The following ALK variants were observed in gnomAD, a reference collection of about 807,000 sequenced individuals.
ALK encodes ALK receptor tyrosine kinase, also known as ALK tyrosine kinase receptor.
In ALK, 74 loss-of-function variants were observed where a neutral mutation model predicts 163.1. That is an observed-to-expected ratio of 0.45 (90% confidence interval 0.38 to 0.55). The LOEUF (loss-of-function observed/expected upper bound fraction) is 0.55, where lower values mean the gene tolerates loss of function less well. Ranked by LOEUF, ALK falls within the 20% of genes least tolerant of loss-of-function variation. The pLI, the probability that ALK is intolerant of heterozygous loss-of-function variation, is 0.00. For synonymous variants in ALK, 960 were observed against 843.2 expected, an observed-to-expected ratio of 1.14 and a Z score of -2.40; for missense variants, 2,063 against 2,105.3, an observed-to-expected ratio of 0.98 and a Z score of 0.39.
chr2:29,350,301 A>G (rs532850516), intron 5 of ALK, among the ~76,000 whole-genome samples: 1 of 152,288 alleles, frequency 6.6e-6, no homozygotes, highest in South Asian at 2.1e-4. Flanking sequence ...ATTGTAAGTG[A>G]CTGTATTATT....
chr2:29,838,151 T>C (rs1040244365), intron 1 of ALK, among the ~76,000 whole-genome samples: 1 of 151,876 alleles, frequency 6.6e-6, no homozygotes, highest in East Asian at 1.9e-4. Flanking sequence ...AGAGCAGTCA[T>C]AGGAACTATC....
At chr2:29,429,148 T>C (rs1272937438) in intron 4 of ALK, among the ~76,000 whole-genome samples, 1 of 152,050 alleles carries the variant, frequency 6.6e-6, no homozygotes, top group East Asian at 1.9e-4. Context: ...GCTAACTTTA[T>C]ACTTTAATTA....
chr2:29,498,059 A>T (rs1441975323), intron 4 of ALK, among the ~76,000 whole-genome samples: 1 of 152,120 alleles, frequency 6.6e-6, no homozygotes, highest in African/African-American at 2.4e-5. Context: ...CCCCACTCTC[A>T]TTTGGCCAAA....
chr2:29,284,887 A>G (rs1391663284), intron 9 of ALK, among the ~76,000 whole-genome samples: 1 of 152,204 alleles, frequency 6.6e-6, no homozygotes, highest in Non-Finnish European at 1.5e-5. Context: ...GAACGGCTGA[A>G]GCTGCTCACG....
chr2:29,634,704 G>A (rs1277894975), intron 3 of ALK, among the ~76,000 whole-genome samples: 2 of 152,108 alleles, frequency 1.3e-5, no homozygotes, highest in African/African-American at 2.4e-5. Flanking sequence ...TTCCTTCTGA[G>A]ATTTAAAGCA....
At chr2:29,664,196 T>G (rs73921146) in intron 3 of ALK, among the ~76,000 whole-genome samples, 1 of 152,172 alleles carries the variant, frequency 6.6e-6, no homozygotes, top group African/African-American at 2.4e-5. Context: ...GTGGCAATGA[T>G]GAAAATGGCA....
chr2:29,886,857 T>C (rs981533684), intron 1 of ALK, among the ~76,000 whole-genome samples: 3 of 152,226 alleles, frequency 2.0e-5, no homozygotes, highest in Admixed American at 1.3e-4. Flanking sequence ...ATTTATTAAA[T>C]GCCAATTTTC....
At position 29,223,218 on chromosome 2, in the gene ALK, G is replaced by C. The variant is rs1264617840; in HGVS notation, c.3359+124C>G. The C allele has an allele frequency of 3.0e-6, 3 of 998,338 alleles. No homozygotes were observed. In the African/African-American group the frequency reaches 4.7e-5, roughly 16 times the overall value. 61.8% of individuals were successfully genotyped at this position (998,338 alleles called of 1,614,324 possible). Reference sequence around the variant, plus strand: ...TGTCAAGGCTTGTCCTCCTAGGAGGGCTAGGGGTGCCCATAGGGAGGGCTC... The same window carrying C: ...TGTCAAGGCTTGTCCTCCTAGGAGGCCTAGGGGTGCCCATAGGGAGGGCTC... On this transcript the variant is annotated intron_variant, in intron 20 of 28. Transcript: ENST00000389048.
At chr2:29,821,590 C>T (rs959822138) in intron 1 of ALK, among the ~76,000 whole-genome samples, 1 of 152,170 alleles carries the variant, frequency 6.6e-6, no homozygotes, top group African/African-American at 2.4e-5. Flanking sequence ...GAAGCTGGTG[C>T]CATCCCCAGC....
intron 5 of ALK, among the ~76,000 whole-genome samples, chr2:29,380,689 C>G (rs1668875243): frequency 6.6e-6 from 1 of 152,190 alleles, no homozygotes; most frequent in Non-Finnish European, 1.5e-5. Flanking sequence ...CCACCTCAGC[C>G]TCACAAAGTG....
chr2:29,211,785 G>T (rs1274229938), intron 24 of ALK, among the ~76,000 whole-genome samples: 8 of 102,608 alleles, frequency 7.8e-5, no homozygotes, highest in Middle Eastern at 0.012. Context: ...GACAGTTTCT[G>T]CCAGAAGTTT....
chr2:29,584,644 G>A (rs1181480581), intron 3 of ALK, among the ~76,000 whole-genome samples: 1 of 152,174 alleles, frequency 6.6e-6, no homozygotes, highest in Non-Finnish European at 1.5e-5. Context: ...GAAACTCCAG[G>A]ACCTGCAGAA....
At chr2:29,896,858 T>A (rs1285209991) in intron 1 of ALK, among the ~76,000 whole-genome samples, 2 of 152,140 alleles carry the variant, frequency 1.3e-5, no homozygotes, top group African/African-American at 2.4e-5. Flanking sequence ...CACAGGCAGG[T>A]TTCTGTATTG....
intron 1 of ALK, among the ~76,000 whole-genome samples, chr2:29,735,478 A>G (rs1679865014): frequency 2.0e-5 from 3 of 152,106 alleles, no homozygotes; most frequent in Admixed American, 6.5e-5. Flanking sequence ...TAGTAAGAGT[A>G]GTAGTAATAA....
At chr2:29,666,506 G>A (rs1677518742) in intron 3 of ALK, among the ~76,000 whole-genome samples, 1 of 152,036 alleles carries the variant, frequency 6.6e-6, no homozygotes, top group African/African-American at 2.4e-5. Context: ...TCATTACTCA[G>A]TGTCTCCCAA....
rs1319070171 is a variant in ALK, at chr2:29,192,898, C to G, written c.*326G>C. On this transcript the variant is annotated 3_prime_UTR_variant, in exon 29 of 29. Coordinates refer to ENST00000389048, the MANE Select transcript of ALK (RefSeq NM_004304.5). Reference sequence around the variant, plus strand: ...GAAACATAGAAGCAGCTAATTCTGACTACATTGAAGCAGAGCACACACAAT... The same window carrying G: ...GAAACATAGAAGCAGCTAATTCTGAGTACATTGAAGCAGAGCACACACAAT... The G allele has an allele frequency of 7.0e-6, 3 of 430,976 alleles. No individual in the cohort carries two copies. Among genetic ancestry groups the G allele is most frequent in the South Asian group, 2.3e-5 (1 of 42,982 alleles). The allele number at this position is 430,976 out of a possible 1,614,324, so 26.7% of individuals were successfully genotyped here.
chr2:29,212,612 A>C (rs3820710), intron 24 of ALK, among the ~76,000 whole-genome samples: 39,987 of 152,212 alleles, frequency 0.26, 6,585 homozygotes, highest in East Asian at 0.73. Flanking sequence ...TTTGGAACTT[A>C]GGCAAGTGTA....
intron 1 of ALK, among the ~76,000 whole-genome samples, chr2:29,859,431 C>G (rs550778198): frequency 1.8e-4 from 28 of 152,320 alleles, no homozygotes; most frequent in Admixed American, 1.6e-3. Flanking sequence ...CTGCTGAGAA[C>G]AAACCATGCT....
intron 1 of ALK, among the ~76,000 whole-genome samples, chr2:29,915,687 A>G (rs1667816698): frequency 6.6e-6 from 1 of 152,218 alleles, no homozygotes; most frequent in Admixed American, 6.5e-5. Flanking sequence ...GGGATTTTTA[A>G]GTAGCCAGTA....
Sources: gnomAD v4.1 joint callset for allele counts (sites outside exome capture counted in the v4.1 genomes callset) on GRCh38, gnomAD v4.1.1 for gene constraint, MANE v1.5 for transcripts, NCBI Gene and HGNC (gene_info 2026-07-23, HGNC 2026-07-21) for gene names.